Variants in CABCOCO1 observed in about 807,000 individuals in gnomAD.
The protein encoded by CABCOCO1 is ciliary-associated calcium-binding coiled-coil protein 1.
In CABCOCO1, 28 loss-of-function variants were observed where a neutral mutation model predicts 35.7. The observed-to-expected ratio is 0.78, with a 90% CI of 0.58 to 1.07. The LOEUF is 1.07. Ranked by LOEUF, CABCOCO1 falls within the 50% of genes least tolerant of loss-of-function variation. The pLI is 0.00. For missense variants in CABCOCO1, 326 were observed against 309.2 expected (o/e 1.05, Z -0.41); for synonymous variants, 95 against 100.1 (o/e 0.95, Z 0.30).
At chr10:61,763,749 G>T (rs896304536) in intron 7 of CABCOCO1, among the ~76,000 whole-genome samples, 1 of 149,788 alleles carries the variant, frequency 6.7e-6, no homozygotes, top group African/African-American at 2.5e-5. Flanking sequence ...TCATCTCAAA[G>T]AAGTGGTCAA....
chr10:61,696,938 T>A (rs1840312107), intron 5 of CABCOCO1, among the ~76,000 whole-genome samples: 2 of 152,088 alleles, frequency 1.3e-5, no homozygotes, highest in Non-Finnish European at 2.9e-5. Context: ...TATCCAACCT[T>A]AATAGTTATC....
intron 5 of CABCOCO1, among the ~76,000 whole-genome samples, chr10:61,731,207 T>C (rs1312507385): frequency 6.6e-6 from 1 of 151,840 alleles, no homozygotes; most frequent in Non-Finnish European, 1.5e-5. Context: ...TTATTTTCAA[T>C]AGTTATATGG....
intron 5 of CABCOCO1, among the ~76,000 whole-genome samples, chr10:61,695,684 T>C (rs960740034): frequency 6.6e-6 from 1 of 151,974 alleles, no homozygotes; most frequent in Non-Finnish European, 1.5e-5. Flanking sequence ...AGTCAACTTC[T>C]CAACAGTAAT....
chr10:61,756,092 G>T (rs118153617), intron 5 of CABCOCO1, among the ~76,000 whole-genome samples: 1 of 151,898 alleles, frequency 6.6e-6, no homozygotes, highest in South Asian at 2.1e-4. Flanking sequence ...GATACATAAC[G>T]TTTGGCAATG....
At chr10:61,742,090 T>C (rs3906869) in intron 5 of CABCOCO1, among the ~76,000 whole-genome samples, 33,095 of 152,040 alleles carry the variant, frequency 0.22, 3,667 homozygotes, top group Middle Eastern at 0.29. Flanking sequence ...TTCAGTTTTA[T>C]TTCAGAATAT....
In CABCOCO1 at chr10:61,726,657, C is replaced by T. The variant is rs572447784; in HGVS notation, c.553-33402C>T. On this transcript the variant is annotated intron_variant, in intron 5 of 7. Transcript: ENST00000648843. Reference sequence around the variant, plus strand: ...ATATTGTAAGAGGGGTTACTTTGTGCGTTCATAATAGTTAGAAAATATTAT... The same window carrying T: ...ATATTGTAAGAGGGGTTACTTTGTGTGTTCATAATAGTTAGAAAATATTAT... 7.1e-4 allele frequency among the ~76,000 whole-genome samples: 107 copies of T among 151,606 alleles called. 2 individuals are homozygous for T. Among genetic ancestry groups the T allele is most frequent in the South Asian group, 3.5e-3 (17 of 4,794 alleles).
chr10:61,752,279 T>G (rs2132081889), intron 5 of CABCOCO1, among the ~76,000 whole-genome samples: 1 of 150,030 alleles, frequency 6.7e-6, no homozygotes, highest in East Asian at 2.0e-4. Context: ...AGTAGTTTCC[T>G]CCAAAGCAAG....
At chr10:61,668,146 T>G (rs1839247179) in intron 1 of CABCOCO1, among the ~76,000 whole-genome samples, 2 of 151,960 alleles carry the variant, frequency 1.3e-5, no homozygotes, top group South Asian at 4.1e-4. Context: ...AAAAATTATA[T>G]TAGACCTGCT....
intron 5 of CABCOCO1, among the ~76,000 whole-genome samples, chr10:61,692,788 C>T (rs1368765621): frequency 1.3e-5 from 2 of 152,134 alleles, no homozygotes; most frequent in Non-Finnish European, 2.9e-5. Flanking sequence ...CATACTGTAG[C>T]TTAAATTAGG....
At chr10:61,732,852 A>C (rs1344238633) in intron 5 of CABCOCO1, among the ~76,000 whole-genome samples, 1 of 152,130 alleles carries the variant, frequency 6.6e-6, no homozygotes, top group Non-Finnish European at 1.5e-5. Context: ...CTGGAGAACA[A>C]CTTGAAAATA....
intron 5 of CABCOCO1, among the ~76,000 whole-genome samples, chr10:61,748,819 T>G (rs1841719989): frequency 1.3e-5 from 2 of 152,128 alleles, no homozygotes; most frequent in South Asian, 4.1e-4. Flanking sequence ...GGACCACTGT[T>G]GAGAAAAAGC....
intron 2 of CABCOCO1, among the ~76,000 whole-genome samples, chr10:61,675,925 A>T (rs531505171): frequency 6.6e-6 from 1 of 152,342 alleles, no homozygotes; most frequent in East Asian, 1.9e-4. Context: ...TACATTCAAC[A>T]TAGTGAATCA....
At chr10:61,754,731 C>T (rs1235409108) in intron 5 of CABCOCO1, among the ~76,000 whole-genome samples, 1 of 152,110 alleles carries the variant, frequency 6.6e-6, no homozygotes, top group Non-Finnish European at 1.5e-5. Flanking sequence ...CTTGCAGCTT[C>T]AGCTGGAATG....
chr10:61,735,453 G>A lies in CABCOCO1; in HGVS notation c.553-24606G>A, dbSNP rs1320571742. Among the ~76,000 whole-genome samples the A allele has an allele frequency of 3.9e-5, 6 of 152,156 alleles. No homozygotes were observed. The South Asian group carries it at 6.2e-4, about 16-fold the overall frequency. On this transcript the variant is annotated intron_variant, in intron 5 of 7. Coordinates refer to ENST00000648843, the MANE Select transcript of CABCOCO1 (RefSeq NM_001366906.2). ...TGGAGCAACCAAAGTTAGACGGAGA[G>A]CTACAGTCTGGTACCAATATAGCTT...
At chr10:61,663,272 A>T (rs1439184149) in intron 1 of CABCOCO1, 2 of 158,270 alleles carry the variant, frequency 1.3e-5, no homozygotes, top group East Asian at 3.9e-4. Flanking sequence ...GCACGGTGCC[A>T]GCGGGTCTAA....
chr10:61,736,634 G>A (rs774104051), intron 5 of CABCOCO1, among the ~76,000 whole-genome samples: 20 of 152,006 alleles, frequency 1.3e-4, no homozygotes, highest in Non-Finnish European at 2.5e-4. Context: ...GCTCTTTCAT[G>A]GGTCCATGTA....
At position 61,720,917 on chromosome 10, in the gene CABCOCO1, C is replaced by CTTTTTTTTTTTTT. The variant is rs71018996; in HGVS notation, c.552+30309_552+30321dup. Reference sequence around the variant, plus strand: ...TGCTTTTTCTTCTTTTCTTTTCATTCTTTTTTTTTTTTTTTTTTTTTTTTT... The same window carrying CTTTTTTTTTTTTT: ...TGCTTTTTCTTCTTTTCTTTTCATTCTTTTTTTTTTTTTTTTTTTTTTTTTTTTTTTTTTTTTT... On this transcript the variant is annotated intron_variant, in intron 5 of 7. Transcript: ENST00000648843. Among the ~76,000 whole-genome samples the CTTTTTTTTTTTTT allele has an allele frequency of 5.6e-4, 37 of 66,016 alleles. 3 individuals are homozygous for CTTTTTTTTTTTTT. The highest frequency in any genetic ancestry group is 1.9e-3 in the South Asian group (3 of 1,562). 43.3% of individuals were successfully genotyped at this position (66,016 alleles called of 152,430 possible).
chr10:61,713,098 C>G (rs61850498), intron 5 of CABCOCO1, among the ~76,000 whole-genome samples: 6,347 of 152,100 alleles, frequency 0.042, 273 homozygotes, highest in African/African-American at 0.1. Context: ...ACCTTGGGCA[C>G]TATGGCCATT....
intron 5 of CABCOCO1, among the ~76,000 whole-genome samples, chr10:61,749,179 A>T (rs1273205937): frequency 6.6e-6 from 1 of 152,186 alleles, no homozygotes; most frequent in Non-Finnish European, 1.5e-5. Context: ...TTTTGCAAGT[A>T]AGTGTTAATT....
Sources: gnomAD v4.1 joint callset for allele counts (sites outside exome capture counted in the v4.1 genomes callset) on GRCh38, gnomAD v4.1.1 for gene constraint, MANE v1.5 for transcripts, NCBI Gene and HGNC (gene_info 2026-07-23, HGNC 2026-07-21) for gene names.